The following XRN2 variants were observed in gnomAD, a reference collection of about 807,000 sequenced individuals.
The protein encoded by XRN2 is 5'-3' exoribonuclease 2.
Under a neutral mutation model 138.5 loss-of-function variants are expected in XRN2, and 44 were observed. The observed-to-expected ratio is 0.32, with a 90% CI of 0.25 to 0.41. The LOEUF (loss-of-function observed/expected upper bound fraction) is 0.41. Among genes scored for constraint, XRN2 ranks in the 10% least tolerant of loss-of-function variants. The probability of loss-of-function intolerance (pLI) is 1.00; values close to 1 mark genes in which losing one functional copy is unlikely to be tolerated. For synonymous variants in XRN2, 354 were observed against 369.4 expected (o/e 0.96, Z 0.48); for missense variants, 937 against 1,169.3 (o/e 0.80, Z 2.90).
chr20:21,362,571 T>C (rs2122297361), intron 24 of XRN2, among the ~76,000 whole-genome samples: 1 of 152,310 alleles, frequency 6.6e-6, no homozygotes, highest in Non-Finnish European at 1.5e-5. Flanking sequence ...TCTCGCACAC[T>C]GCTGCTGGGT....
chr20:21,352,531 A>C (rs1057256599), intron 20 of XRN2, among the ~76,000 whole-genome samples: 2 of 152,002 alleles, frequency 1.3e-5, no homozygotes, highest in African/African-American at 4.8e-5. Context: ...GGATTTCACC[A>C]TGTTGGCCAG....
chr20:21,359,486 A>G (rs2038612712), intron 24 of XRN2, among the ~76,000 whole-genome samples: 1 of 151,928 alleles, frequency 6.6e-6, no homozygotes, highest in African/African-American at 2.4e-5. Context: ...CAGTGAGCCA[A>G]GATCACACCA....
chr20:21,355,893 T>C (rs1346501966), intron 21 of XRN2, among the ~76,000 whole-genome samples, 187 bp from the exon 22 acceptor site: 4 of 152,206 alleles, frequency 2.6e-5, no homozygotes, highest in Admixed American at 2.6e-4. Flanking sequence ...AATTACTAAC[T>C]TCTCCACAGT....
chr20:21,330,384 T>C, intron 4 of XRN2, 97 bp from the exon 5 acceptor site: 1 of 1,263,656 alleles, frequency 7.9e-7, no homozygotes. Flanking sequence ...TCACTTTCTT[T>C]TGTAGTGGAA....
At chr20:21,349,308 T>C in intron 19 of XRN2, 81 bp from the exon 20 acceptor site, 1 of 987,518 alleles carries the variant, frequency 1.0e-6, no homozygotes, top group Non-Finnish European at 1.6e-6. Context: ...ACCTTATAAC[T>C]TGAATGAAAG....
intron 24 of XRN2, among the ~76,000 whole-genome samples, chr20:21,364,152 C>T (rs1304214343): frequency 6.6e-6 from 1 of 152,050 alleles, no homozygotes; most frequent in African/African-American, 2.4e-5. Context: ...AGGATGGTCT[C>T]GATCTCCTGA....
intron 1 of XRN2, among the ~76,000 whole-genome samples, chr20:21,314,868 G>A (rs906402468): frequency 1.3e-5 from 2 of 152,196 alleles, no homozygotes; most frequent in Admixed American, 6.5e-5. Flanking sequence ...GTTACATGAA[G>A]AGGGTTTATT....
chr20:21,369,377 G>A (rs962656948), intron 27 of XRN2, among the ~76,000 whole-genome samples: 15 of 152,134 alleles, frequency 9.9e-5, no homozygotes, highest in African/African-American at 3.6e-4. Flanking sequence ...AGTAAATGTG[G>A]GAGTGCAGAT....
At chr20:21,337,772 G>C (rs1196458058) in intron 13 of XRN2, among the ~76,000 whole-genome samples, 2 of 152,226 alleles carry the variant, frequency 1.3e-5, no homozygotes, top group African/African-American at 4.8e-5. Context: ...GGGTTAAGAG[G>C]CTGGGGAGTT....
Position 21,333,940 on chromosome 20 carries a change from A to T in XRN2, c.1071A>T (p.Glu357Asp). 6.2e-7 allele frequency: 1 copy of T among 1,614,148 alleles called. No homozygotes were observed. Among genetic ancestry groups the T allele is most frequent in the Non-Finnish European group, 8.5e-7 (1 of 1,180,008 alleles). The change falls in exon 12 of 30, where the codon GAA becomes GAT. Residue 357 changes from glutamate to aspartate, a missense_variant. By Grantham distance (45) the Glu-to-Asp change is conservative (BLOSUM62 2). Around this residue, in one of 6 missense-constraint regions of XRN2, gnomAD observed 471 missense variants for 581.2 expected, o/e 0.81. Transcript: ENST00000377191. ...LPHLPSLEIR[E>D]NAIDRLVNIY... ...AATGTTTGTCTCTTGCTGACAGGGA[A>T]AATGCAATTGACCGTTTGGTTAACA... is the stretch of plus-strand genomic sequence containing the variant.
intron 1 of XRN2, among the ~76,000 whole-genome samples, chr20:21,324,890 A>G (rs1174255553): frequency 2.0e-5 from 3 of 152,200 alleles, no homozygotes; most frequent in African/African-American, 7.2e-5. Context: ...GGTTTTTAGT[A>G]TATTTACAGA....
chr20:21,352,816 T>G (rs1302044066), intron 20 of XRN2, among the ~76,000 whole-genome samples: 1 of 152,142 alleles, frequency 6.6e-6, no homozygotes, highest in East Asian at 1.9e-4. Flanking sequence ...AGCTCACATT[T>G]GAAGTGACTG....
At chr20:21,360,248 C>A (rs1269091222) in intron 24 of XRN2, among the ~76,000 whole-genome samples, 1 of 152,120 alleles carries the variant, frequency 6.6e-6, no homozygotes, top group Non-Finnish European at 1.5e-5. Context: ...TGTGCTTGAA[C>A]CCCCAGGTCC....
chr20:21,346,499 T>C lies in XRN2; in HGVS notation c.1614T>C (p.Val538=). ...CTGATGAGAAATTCCGTCGGAAAGT[T>C]GTGCAGTCGTACGTTGAAGGACTTT... The part of the protein sequence containing the change: ...DAADEKFRRK[V]VQSYVEGLCW... Residue 538 remains valine (V), a synonymous_variant, in exon 17 of 30, where the codon GTT becomes GTC. Coordinates refer to ENST00000377191, the MANE Select transcript of XRN2 (RefSeq NM_012255.5). 1.2e-6 allele frequency: 2 copies of C among 1,614,184 alleles called. No individual in the cohort carries two copies. Among genetic ancestry groups the C allele is most frequent in the Non-Finnish European group, 1.7e-6 (2 of 1,180,012 alleles).
chr20:21,388,762 G>A (rs1292799263), intron 29 of XRN2, among the ~76,000 whole-genome samples: 1 of 152,198 alleles, frequency 6.6e-6, no homozygotes, highest in Non-Finnish European at 1.5e-5. Flanking sequence ...CTAATGGATT[G>A]TGTAATAACC....
chr20:21,323,129 A>G (rs189149003), intron 1 of XRN2, among the ~76,000 whole-genome samples: 3 of 152,354 alleles, frequency 2.0e-5, no homozygotes, highest in Admixed American at 1.3e-4. Context: ...CTCTGGGCCT[A>G]GAGCCCTCTT....
chr20:21,338,622 T>TA (rs2038331785), intron 13 of XRN2, among the ~76,000 whole-genome samples: 1 of 152,174 alleles, frequency 6.6e-6, no homozygotes, highest in Admixed American at 6.5e-5. Flanking sequence ...GCTGATTTTT[T>TA]TAAAAATGGA....
chr20:21,315,775 G>A (rs1241288071), intron 1 of XRN2, among the ~76,000 whole-genome samples: 1 of 152,178 alleles, frequency 6.6e-6, no homozygotes. Context: ...TGGGATTACA[G>A]GCGTGAGCCA....
chr20:21,328,850 G>A (rs2038163868), intron 4 of XRN2, among the ~76,000 whole-genome samples, 180 bp downstream of exon 4: 1 of 152,168 alleles, frequency 6.6e-6, no homozygotes, highest in Non-Finnish European at 1.5e-5. Flanking sequence ...TAATAGGCTT[G>A]TTTATTTTCA....
Sources: allele counts gnomAD v4.1 joint callset (sites outside exome capture counted in the v4.1 genomes callset), GRCh38; gene constraint gnomAD v4.1.1; regional missense constraint gnomAD v4.1.1; transcripts MANE v1.5; gene names NCBI Gene and HGNC (gene_info 2026-07-23, HGNC 2026-07-21).